Variants in GRIP1 observed in about 807,000 individuals in gnomAD.
The protein encoded by GRIP1 is glutamate receptor-interacting protein 1.
Under a neutral mutation model 129.9 loss-of-function variants are expected in GRIP1, and 45 were observed. The ratio of observed to expected loss-of-function variants is 0.35; its 90% confidence interval spans 0.27 to 0.44. GRIP1 has a LOEUF of 0.44. GRIP1 is among the 20% of genes least tolerant of loss of function. The pLI is 1.00. For missense variants in GRIP1, 1,196 were observed against 1,396.8 expected, an observed-to-expected ratio of 0.86 and a Z score of 2.29; for synonymous variants, 530 against 520.8, an observed-to-expected ratio of 1.02 and a Z score of -0.24.
At chr12:66,724,067 C>T (rs987371260) in intron 1 of GRIP1, among the ~76,000 whole-genome samples, 1 of 152,096 alleles carries the variant, frequency 6.6e-6, no homozygotes, top group African/African-American at 2.4e-5. Context: ...TGAATTAGTA[C>T]CCAATTACAT....
At chr12:66,477,466 T>C (rs2059654001) in intron 7 of GRIP1, among the ~76,000 whole-genome samples, 1 of 151,968 alleles carries the variant, frequency 6.6e-6, no homozygotes, top group East Asian at 1.9e-4. Context: ...AGGTAATTTA[T>C]AGATTCAATG....
chr12:66,941,657 C>A (rs2041588140), intron 1 of GRIP1, among the ~76,000 whole-genome samples: 1 of 152,178 alleles, frequency 6.6e-6, no homozygotes, highest in Admixed American at 6.5e-5. Context: ...TTGCTCATTT[C>A]TTCCTTCCCA....
At chr12:66,894,490 A>G (rs147000407) in intron 1 of GRIP1, among the ~76,000 whole-genome samples, 3 of 152,254 alleles carry the variant, frequency 2.0e-5, no homozygotes, top group Non-Finnish European at 2.9e-5. Context: ...TTTTTGCATT[A>G]TAAGAATAGA....
chr12:67,056,171 T>C (rs149944402), intron 1 of GRIP1, among the ~76,000 whole-genome samples: 3 of 152,302 alleles, frequency 2.0e-5, no homozygotes, highest in East Asian at 3.9e-4. Flanking sequence ...TCCCAAAACA[T>C]AGCTTCCTTT....
chr12:66,622,050 T>C (rs2065290677), intron 1 of GRIP1, among the ~76,000 whole-genome samples: 1 of 152,208 alleles, frequency 6.6e-6, no homozygotes, highest in Non-Finnish European at 1.5e-5. Context: ...GGTTGCCTTT[T>C]CATTCTGTCA....
intron 7 of GRIP1, among the ~76,000 whole-genome samples, chr12:66,513,203 A>G (rs1265805012): frequency 6.6e-6 from 1 of 152,156 alleles, no homozygotes; most frequent in Non-Finnish European, 1.5e-5. Context: ...CCATGTTAAT[A>G]TCAGATAGAC....
upstream of GRIP1, among the ~76,000 whole-genome samples, chr12:66,682,391 G>A (rs1046652122): frequency 3.9e-5 from 6 of 152,088 alleles, no homozygotes; most frequent in East Asian, 1.9e-4. Context: ...CATCCTGACT[G>A]GCCTGTGTCA....
intron 1 of GRIP1, among the ~76,000 whole-genome samples, chr12:66,721,327 T>TGCAGTG (rs1462476016): frequency 6.6e-6 from 1 of 152,100 alleles, no homozygotes; most frequent in Non-Finnish European, 1.5e-5. Context: ...AGTGCTGGAG[T>TGCAGTG]GCAGTGGCAG....
At chr12:66,774,741 T>C (rs1428552726) in intron 1 of GRIP1, among the ~76,000 whole-genome samples, 2 of 152,208 alleles carry the variant, frequency 1.3e-5, no homozygotes, top group African/African-American at 4.8e-5. Flanking sequence ...CTTGTACTAT[T>C]GCAGCCTCAA....
chr12:66,399,920 C>A (rs1439681924), intron 16 of GRIP1, among the ~76,000 whole-genome samples: 1 of 151,956 alleles, frequency 6.6e-6, no homozygotes, highest in African/African-American at 2.4e-5. Flanking sequence ...ACACTCTCTA[C>A]AGCTCCCTTA....
At chr12:66,705,854 T>C (rs756938694) in intron 1 of GRIP1, among the ~76,000 whole-genome samples, 2 of 152,142 alleles carry the variant, frequency 1.3e-5, no homozygotes, top group Non-Finnish European at 2.9e-5. Context: ...GCTAGCCATA[T>C]GCGGAAAACT....
rs529240593 is a variant in GRIP1 at position 66,821,808 on chromosome 12, G to C, written c.59-224881C>G. ...AGAGATTTGGACTTTCATCAGAATA[G>C]GGATGGTGATTCTGTATACATTTCA... On this transcript the variant is annotated intron_variant, in intron 1 of 1. Transcript: ENST00000643019. 8.6e-4 allele frequency among the ~76,000 whole-genome samples: 131 copies of C among 152,286 alleles called. 1 individual carries two copies. The highest frequency in any genetic ancestry group is 1.6e-3 in the Non-Finnish European group (112 of 68,022).
intron 1 of GRIP1, among the ~76,000 whole-genome samples, chr12:66,888,825 G>C (rs1380376494): frequency 6.6e-6 from 1 of 152,098 alleles, no homozygotes; most frequent in Non-Finnish European, 1.5e-5. Flanking sequence ...ATCATCAAAT[G>C]TGAAAAGCCA....
intron 1 of GRIP1, among the ~76,000 whole-genome samples, chr12:66,990,247 G>A (rs1221017395): frequency 6.6e-6 from 1 of 152,086 alleles, no homozygotes; most frequent in Admixed American, 6.6e-5. Flanking sequence ...ATTTTTAAAT[G>A]GTATCTGCTT....
At chr12:66,484,401 C>T (rs1176602358) in intron 7 of GRIP1, among the ~76,000 whole-genome samples, 1 of 152,158 alleles carries the variant, frequency 6.6e-6, no homozygotes, top group East Asian at 1.9e-4. Flanking sequence ...CTGCTATGCT[C>T]TGCACAATGG....
chr12:66,983,947 C>G (rs1385707273), intron 1 of GRIP1, among the ~76,000 whole-genome samples: 1 of 152,030 alleles, frequency 6.6e-6, no homozygotes, highest in Non-Finnish European at 1.5e-5. Context: ...ATTTAAAACC[C>G]GACTCCTATC....
intron 1 of GRIP1, among the ~76,000 whole-genome samples, chr12:66,753,517 G>A (rs1178663845): frequency 6.6e-6 from 1 of 152,166 alleles, no homozygotes; most frequent in Non-Finnish European, 1.5e-5. Context: ...CACCTATGAT[G>A]TTATGCCACT....
chr12:66,558,435 C>T (rs2062408238), intron 2 of GRIP1, among the ~76,000 whole-genome samples: 2 of 152,136 alleles, frequency 1.3e-5, no homozygotes, highest in Admixed American at 1.3e-4. Context: ...CAATTATCTC[C>T]CACTGGGTCC....
At chr12:66,574,795 T>C (rs1273145167) in intron 2 of GRIP1, among the ~76,000 whole-genome samples, 1 of 151,190 alleles carries the variant, frequency 6.6e-6, no homozygotes, top group East Asian at 1.9e-4. Flanking sequence ...TTCTTTTTTT[T>C]TTTTTTAGAC....
Sources: gnomAD v4.1 joint callset for allele counts (sites outside exome capture counted in the v4.1 genomes callset) on GRCh38, gnomAD v4.1.1 for gene constraint, MANE v1.5 for transcripts, NCBI Gene and HGNC (gene_info 2026-07-23, HGNC 2026-07-21) for gene names.